Variants in JAG1 observed in about 807,000 individuals in gnomAD.
JAG1 encodes the protein protein jagged-1.
A neutral mutation model predicts 148.7 loss-of-function variants in JAG1; 23 were observed. The observed-to-expected ratio is 0.15, with a 90% CI of 0.11 to 0.22. The LOEUF (loss-of-function observed/expected upper bound fraction) is 0.22, where lower values mean the gene tolerates loss of function less well. Ranked by LOEUF, JAG1 falls within the 10% of genes least tolerant of loss-of-function variation. The pLI is 1.00. For missense variants in JAG1, 1,054 were observed against 1,611.2 expected, an observed-to-expected ratio of 0.65 and a Z score of 5.92; for synonymous variants, 572 against 598.3, an observed-to-expected ratio of 0.96 and a Z score of 0.64.
chr20:10,641,510 C>T lies in JAG1; in HGVS notation c.2866G>A (p.Asp956Asn). Residue 956 changes from aspartate to asparagine, a missense_variant, in exon 23 of 26, where the codon GAT becomes AAT. Around this residue, in one of 6 missense-constraint regions of JAG1, gnomAD observed 342 missense variants for 514.6 expected, o/e 0.66. Coordinates refer to ENST00000254958, the MANE Select transcript of JAG1 (RefSeq NM_000214.3). ...TKCTSDSYYQ[D>N]NCANITFTFN... Reference sequence around the variant, plus strand: ...GTAAATGTGATGTTCGCACAGTTATCCTGGTAATAGGAGTCAGAGGTGCAC... The same window carrying T: ...GTAAATGTGATGTTCGCACAGTTATTCTGGTAATAGGAGTCAGAGGTGCAC... 6.2e-7 allele frequency: 1 copy of T among 1,614,218 alleles called. No individual in the cohort carries two copies. Among genetic ancestry groups the T allele is most frequent in the South Asian group, 1.1e-5 (1 of 91,088 alleles).
chr20:10,650,159 C>T, intron 9 of JAG1, 88 bp downstream of exon 9: 1 of 803,186 alleles, frequency 1.2e-6, no homozygotes, highest in South Asian at 1.4e-5. Flanking sequence ...TGAACTCACA[C>T]TGCCGGCCAC....
rs3842434 is a variant in JAG1 at position 10,639,011 on chromosome 20, TA to T, written c.*486del. 34,556 of 155,488 alleles carry T rather than the reference TA, an allele frequency of 0.22. 4,335 individuals are homozygous for T. The highest frequency in any genetic ancestry group is 0.28 in the Admixed American group (4,521 of 16,050). 9.6% of individuals were successfully genotyped at this position (155,488 alleles called of 1,614,324 possible). A position where few individuals can be genotyped will look rare whatever the true frequency, so the allele number is the denominator to read the frequency against. On this transcript the variant is annotated 3_prime_UTR_variant, in exon 26 of 26. Coordinates refer to ENST00000254958, the MANE Select transcript of JAG1 (RefSeq NM_000214.3). ...CCTCCCCCAACAACAAAAATACAAT[TA>T]AAAAAAATAAATAATAAAGTCATTT...
In JAG1 at chr20:10,656,347, C is replaced by T. The variant is rs34742789; in HGVS notation, c.755+51G>A. Reference sequence around the variant, plus strand: ...TAGTCACAATAAAGTCAGTTCCTCTCTTACATAAAGGAAAATTAAAAGAAA... The same window carrying T: ...TAGTCACAATAAAGTCAGTTCCTCTTTTACATAAAGGAAAATTAAAAGAAA... On this transcript the variant is annotated intron_variant, in intron 5 of 25. Coordinates refer to ENST00000254958, the MANE Select transcript of JAG1 (RefSeq NM_000214.3). The T allele has an allele frequency of 0.025, 35,268 of 1,438,460 alleles. 574 individuals are homozygous for T. The highest frequency in any genetic ancestry group is 0.029 in the Non-Finnish European group (29,326 of 1,020,566). The allele number at this position is 1,438,460 out of a possible 1,614,324, so 89.1% of individuals were successfully genotyped here.
intron 2 of JAG1, among the ~76,000 whole-genome samples, chr20:10,665,481 T>C (rs940007467): frequency 5.3e-5 from 8 of 152,202 alleles, no homozygotes; most frequent in African/African-American, 1.9e-4. Context: ...TTGTTACTAT[T>C]TTATTAGCGA....
At chr20:10,652,639 G>A (rs747822864) in intron 5 of JAG1, 41 bp from the exon 6 acceptor site, 46 of 1,608,906 alleles carry the variant, frequency 2.9e-5, no homozygotes, top group Middle Eastern at 3.3e-4. Context: ...CCTTTTGAAC[G>A]TTAAGAGACA....
At chr20:10,640,166 T>A (rs769734595) in intron 25 of JAG1, among the ~76,000 whole-genome samples, 26 of 152,226 alleles carry the variant, frequency 1.7e-4, no homozygotes, top group Non-Finnish European at 3.5e-4. Context: ...TTGATACTCT[T>A]ATCCCTGGAG....
chr20:10,662,324 G>A (rs988422571), intron 3 of JAG1: 2 of 152,164 alleles, frequency 1.3e-5, no homozygotes, highest in Non-Finnish European at 2.9e-5. Context: ...GACAAGCCCT[G>A]GGTTCCCAGG....
Position 10,672,756 on chromosome 20 carries a change from G to A in JAG1, c.332C>T (p.Ala111Val), listed in dbSNP as rs574034950. The part of the protein sequence containing the change: ...VIGGNTFNLK[A>V]SRGNDRNRIV... ...GCGGTTGCGGTCGTTGCCGCGGCTG[G>A]CCTTGAGGTTGAAGGTGTTGCCCCC... The change falls in exon 2 of 26, where the codon GCC becomes GTC. Residue 111 changes from alanine to valine, a missense_variant. Coordinates refer to ENST00000254958, the MANE Select transcript of JAG1 (RefSeq NM_000214.3). 3 of 1,613,084 alleles carry A rather than the reference G, an allele frequency of 1.9e-6. No individual in the cohort carries two copies. In the East Asian group the frequency reaches 6.7e-5, roughly 36 times the overall value.
chr20:10,663,012 G>A (rs149855466), intron 3 of JAG1, among the ~76,000 whole-genome samples: 20 of 150,250 alleles, frequency 1.3e-4, no homozygotes, highest in African/African-American at 4.7e-4. Flanking sequence ...CCCACGGTGT[G>A]CATTCACCAT....
chr20:10,642,067 A>G (rs1435123896), intron 21 of JAG1, among the ~76,000 whole-genome samples, 175 bp from the exon 22 acceptor site: 1 of 152,150 alleles, frequency 6.6e-6, no homozygotes, highest in Non-Finnish European at 1.5e-5. Context: ...CTTGGCCACA[A>G]GACTTGCTCT....
Position 10,638,106 on chromosome 20 carries a change from G to A in JAG1, c.*1392C>T, listed in dbSNP as rs923029523. On this transcript the variant is annotated 3_prime_UTR_variant, in exon 26 of 26. Coordinates refer to ENST00000254958, the MANE Select transcript of JAG1 (RefSeq NM_000214.3). ...TACAAAGTATCTTCACGGTCTCAAT[G>A]GTGAACCAACAAGATTACTCTGTTT... 6 of 152,738 alleles carry A rather than the reference G, an allele frequency of 3.9e-5. No individual in the cohort carries two copies. The highest frequency in any genetic ancestry group is 8.8e-5 in the Non-Finnish European group (6 of 68,026). 9.5% of individuals were successfully genotyped at this position (152,738 alleles called of 1,614,324 possible). A position where few individuals can be genotyped will look rare whatever the true frequency, so the allele number is the denominator to read the frequency against.
At position 10,673,402 on chromosome 20, in the gene JAG1, G is replaced by GGGGAGGGAGAGGACGGCT. The variant is rs1288465058; in HGVS notation, c.81+30_81+47dup. Reference sequence around the variant, plus strand: ...GGCTCAACCGCCCAGGGCGCCGCGAGGGGAGGGAGAGGACGGCTGGGAGGG... The same window carrying GGGGAGGGAGAGGACGGCT: ...GGCTCAACCGCCCAGGGCGCCGCGAGGGGAGGGAGAGGACGGCTGGGAGGGAGAGGACGGCTGGGAGGG... On this transcript the variant is annotated intron_variant, in intron 1 of 25. Coordinates refer to ENST00000254958, the MANE Select transcript of JAG1 (RefSeq NM_000214.3). This position sits in a 1 kb window ranked among gnomAD's most constrained non-coding sequence, Gnocchi z 4.7. The GGGGAGGGAGAGGACGGCT allele has an allele frequency of 7.5e-7, 1 of 1,326,980 alleles. No homozygotes were observed. 82.2% of individuals were successfully genotyped at this position (1,326,980 alleles called of 1,614,324 possible).
chr20:10,653,452 C>G (rs980000276), intron 5 of JAG1, among the ~76,000 whole-genome samples: 1 of 150,854 alleles, frequency 6.6e-6, no homozygotes, highest in African/African-American at 2.4e-5. Flanking sequence ...GGGGCAGCGT[C>G]TCAAACCACT....
chr20:10,652,463 C>G lies in JAG1; in HGVS notation c.886+5G>C. 1 of 1,614,104 alleles carries G rather than the reference C, an allele frequency of 6.2e-7. No homozygotes were observed. The highest frequency in any genetic ancestry group is 8.5e-7 in the Non-Finnish European group (1 of 1,180,020). On this transcript the variant is annotated splice_donor_5th_base_variant and intron_variant, in intron 6 of 25. Transcript: ENST00000254958. The stretch of plus-strand genomic sequence containing the variant: ...CACCCTGGGTCTCATCCCTAAGGGC[C>G]ATACCTTTGTCACAGAGCTGGCCGC...
intron 3 of JAG1, among the ~76,000 whole-genome samples, chr20:10,663,675 A>T (rs1385611515): frequency 6.6e-6 from 1 of 152,258 alleles, no homozygotes; most frequent in Non-Finnish European, 1.5e-5. Flanking sequence ...ACAAGGTTTT[A>T]AAGTTGTAAA....
At chr20:10,656,204 G>C (rs1374109562) in intron 5 of JAG1, among the ~76,000 whole-genome samples, 194 bp downstream of exon 5, 2 of 152,200 alleles carry the variant, frequency 1.3e-5, no homozygotes, top group African/African-American at 4.8e-5. Context: ...TTTATTCCAA[G>C]AGAGAAGTGG....
At chr20:10,643,895 C>T (rs372547927) in intron 19 of JAG1, 32 bp from the exon 20 acceptor site, 7 of 1,532,034 alleles carry the variant, frequency 4.6e-6, no homozygotes, top group South Asian at 2.3e-5. Context: ...TGGTTACCAA[C>T]CTCCCAGTCC....
intron 3 of JAG1, among the ~76,000 whole-genome samples, chr20:10,659,101 T>C (rs2067397026): frequency 6.6e-6 from 1 of 152,228 alleles, no homozygotes; most frequent in Non-Finnish European, 1.5e-5. Flanking sequence ...TCAGAGTCCG[T>C]GCACAACAAA....
At chr20:10,657,123 T>C (rs537038782) in intron 4 of JAG1, among the ~76,000 whole-genome samples, 2 of 152,228 alleles carry the variant, frequency 1.3e-5, no homozygotes, top group East Asian at 1.9e-4. Context: ...CCCAACACTT[T>C]GGGAGATTGA....
Sources: gnomAD v4.1 joint callset for allele counts (sites outside exome capture counted in the v4.1 genomes callset) on GRCh38, gnomAD v4.1.1 for gene constraint, gnomAD v4.1.1 regional missense constraint, Gnocchi (gnomAD v3.1) non-coding constraint, MANE v1.5 for transcripts, NCBI Gene and HGNC (gene_info 2026-07-23, HGNC 2026-07-21) for gene names.